The following CALCR variants were observed in gnomAD, a reference collection of about 807,000 sequenced individuals.
CALCR encodes the protein calcitonin receptor.
CALCR carries 47 observed loss-of-function variants against 59.5 expected under a neutral mutation model. The observed-to-expected ratio is 0.79, with a 90% CI of 0.63 to 1.01. The LOEUF is 1.01. Ranked by LOEUF, CALCR falls within the 50% of genes least tolerant of loss-of-function variation. The pLI, the probability that CALCR is intolerant of heterozygous loss-of-function variation, is 0.00. For missense variants in CALCR, 566 were observed against 597.1 expected, an observed-to-expected ratio of 0.95 and a Z score of 0.54; for synonymous variants, 213 against 211.3, an observed-to-expected ratio of 1.01 and a Z score of -0.07.
chr7:93,427,039 C>T (rs1443239549), intron 13 of CALCR, among the ~76,000 whole-genome samples: 1 of 152,130 alleles, frequency 6.6e-6, no homozygotes, highest in Non-Finnish European at 1.5e-5. Context: ...TGATAATGGC[C>T]TCGTACAGTG....
At chr7:93,465,994 T>C (rs761601378) in intron 7 of CALCR, among the ~76,000 whole-genome samples, 1 of 151,696 alleles carries the variant, frequency 6.6e-6, no homozygotes, top group Non-Finnish European at 1.5e-5. Flanking sequence ...ATGAGACACA[T>C]TTGAGGAGTT....
chr7:93,497,835 G>A (rs979848453), intron 2 of CALCR, among the ~76,000 whole-genome samples: 7 of 151,554 alleles, frequency 4.6e-5, no homozygotes, highest in African/African-American at 1.7e-4. Flanking sequence ...TAAGCACATA[G>A]ATGATGTTTT....
At chr7:93,556,647 C>A (rs1307942858) in intron 2 of CALCR, among the ~76,000 whole-genome samples, 1 of 151,802 alleles carries the variant, frequency 6.6e-6, no homozygotes, top group Admixed American at 6.6e-5. Flanking sequence ...TAATTTTACA[C>A]AACAGGATCT....
intron 7 of CALCR, among the ~76,000 whole-genome samples, chr7:93,464,731 G>A (rs969080517): frequency 1.3e-5 from 2 of 151,894 alleles, no homozygotes; most frequent in African/African-American, 4.8e-5. Context: ...TATCTTTGGT[G>A]TCTGTCCTGC....
intron 2 of CALCR, among the ~76,000 whole-genome samples, chr7:93,538,041 G>A (rs1449181216): frequency 6.6e-6 from 1 of 151,900 alleles, no homozygotes. Flanking sequence ...TCACTAAACT[G>A]TAGTAGTGAT....
At chr7:93,483,622 C>G (rs971133354) in intron 3 of CALCR, among the ~76,000 whole-genome samples, 1 of 151,200 alleles carries the variant, frequency 6.6e-6, no homozygotes, top group East Asian at 2.0e-4. Context: ...TAATTTTATA[C>G]AAATAAGAAT....
chr7:93,528,798 C>T (rs1221876057), intron 2 of CALCR, among the ~76,000 whole-genome samples: 1 of 151,964 alleles, frequency 6.6e-6, no homozygotes, highest in Admixed American at 6.6e-5. Flanking sequence ...TCTATTTGAC[C>T]ACAAGATACT....
rs1799511361 is a variant in CALCR, at chr7:93,425,715, G to A, written c.*641C>T. Reference sequence around the variant, plus strand: ...TCCAAAACCAAGCTGAGCATGTAATGTTTTCAGCAAATTGACTCTAAATTT... The same window carrying A: ...TCCAAAACCAAGCTGAGCATGTAATATTTTCAGCAAATTGACTCTAAATTT... On this transcript the variant is annotated 3_prime_UTR_variant, in exon 14 of 14. Coordinates refer to ENST00000426151, the MANE Select transcript of CALCR (RefSeq NM_001742.4). 6.6e-6 allele frequency: 1 copy of A among 152,190 alleles called. No homozygotes were observed. Among genetic ancestry groups the A allele is most frequent in the Non-Finnish European group, 1.5e-5 (1 of 68,020 alleles). 9.4% of individuals were successfully genotyped at this position (152,190 alleles called of 1,614,324 possible). A position where few individuals can be genotyped will look rare whatever the true frequency, so the allele number is the denominator to read the frequency against.
intron 3 of CALCR, 97 bp downstream of exon 3, chr7:93,486,834 C>T (rs1009418917): frequency 9.8e-5 from 78 of 793,132 alleles, no homozygotes; most frequent in South Asian, 5.4e-4. Flanking sequence ...GAGACCAATG[C>T]CTACCCTTGC....
At chr7:93,489,004 A>G (rs1014220345) in intron 2 of CALCR, among the ~76,000 whole-genome samples, 16 of 151,992 alleles carry the variant, frequency 1.1e-4, no homozygotes, top group Non-Finnish European at 2.4e-4. Context: ...AATCGACCAC[A>G]TAATTGGAAG....
Position 93,498,365 on chromosome 7 carries a change from C to T in CALCR, c.-26-11358G>A, listed in dbSNP as rs1021501489. ...ACAAGGAGATCTTAGAGAAATGGTT[C>T]AGAATTGTGTGCAGTTCAGAATTGT... On this transcript the variant is annotated intron_variant, in intron 2 of 13. Transcript: ENST00000426151. 2.6e-5 allele frequency among the ~76,000 whole-genome samples: 4 copies of T among 151,522 alleles called. No homozygotes were observed. In the Admixed American group the frequency reaches 2.6e-4, roughly 10 times the overall value.
chr7:93,473,961 A>G (rs1045356646), intron 5 of CALCR, among the ~76,000 whole-genome samples: 3 of 151,722 alleles, frequency 2.0e-5, no homozygotes, highest in Non-Finnish European at 4.4e-5. Context: ...GATAGAAATA[A>G]TAAGTTCTCA....
At chr7:93,570,290 G>T (rs2051749) in intron 2 of CALCR, among the ~76,000 whole-genome samples, 95,093 of 151,926 alleles carry the variant, frequency 0.63, 31,631 homozygotes, top group African/African-American at 0.87. Context: ...TAACACTGAA[G>T]TTAGCACATA....
chr7:93,541,739 G>A (rs1291551700), intron 2 of CALCR, among the ~76,000 whole-genome samples: 1 of 152,146 alleles, frequency 6.6e-6, no homozygotes, highest in African/African-American at 2.4e-5. Context: ...ATTTGTCCAT[G>A]TGCAAATTTC....
intron 2 of CALCR, among the ~76,000 whole-genome samples, chr7:93,566,424 A>G (rs1789865864): frequency 6.6e-6 from 1 of 152,306 alleles, no homozygotes; most frequent in South Asian, 2.1e-4. Flanking sequence ...AAAGCCTATA[A>G]GAGATCGGCT....
Position 93,426,502 on chromosome 7 carries a change from G to GAGCAGAGC in CALCR, c.1271_1278dup (p.Arg427AlafsTer24). Reference sequence around the variant, plus strand: ...GCCTCCGCAGCAGCGGCTGCAGCGCGAGCAGAGCGGTTGGAGGGGCGCCTC... The same window carrying GAGCAGAGC: ...GCCTCCGCAGCAGCGGCTGCAGCGCGAGCAGAGCAGCAGAGCGGTTGGAGGGGCGCCTC... On this transcript the variant is annotated frameshift_variant, in exon 14 of 14. Coordinates refer to ENST00000426151, the MANE Select transcript of CALCR (RefSeq NM_001742.4). LOFTEE classifies it high-confidence loss of function. 1 of 1,613,746 alleles carries GAGCAGAGC rather than the reference G, an allele frequency of 6.2e-7. No individual in the cohort carries two copies. The highest frequency in any genetic ancestry group is 2.2e-5 in the East Asian group (1 of 44,842).
At chr7:93,452,363 C>T (rs1264512493) in intron 8 of CALCR, among the ~76,000 whole-genome samples, 4 of 151,956 alleles carry the variant, frequency 2.6e-5, no homozygotes, top group Non-Finnish European at 4.4e-5. Context: ...GGAGGAATTA[C>T]AGGCCTTTTT....
At chr7:93,519,276 C>T (rs1182829705) in intron 2 of CALCR, among the ~76,000 whole-genome samples, 2 of 151,920 alleles carry the variant, frequency 1.3e-5, no homozygotes, top group African/African-American at 4.8e-5. Flanking sequence ...CTTAACATAA[C>T]TTAAATGAAA....
At chr7:93,460,593 G>GTATATATA (rs368578654) in intron 8 of CALCR, among the ~76,000 whole-genome samples, 5,268 of 89,196 alleles carry the variant, frequency 0.059, 405 homozygotes, top group East Asian at 0.19. Context: ...ATATATATAT[G>GTATATATA]TATATATATA....
Sources: allele counts gnomAD v4.1 joint callset (sites outside exome capture counted in the v4.1 genomes callset), GRCh38; gene constraint gnomAD v4.1.1; transcripts MANE v1.5; gene names NCBI Gene and HGNC (gene_info 2026-07-23, HGNC 2026-07-21).